Variants in DAAM2 observed in about 807,000 individuals in gnomAD.
The protein encoded by DAAM2 is disheveled-associated activator of morphogenesis 2.
In DAAM2, 39 loss-of-function variants were observed where a neutral mutation model predicts 120.7. The observed-to-expected ratio is 0.32, with a 90% CI of 0.25 to 0.42. DAAM2 has a LOEUF of 0.42. Among genes scored for constraint, DAAM2 ranks in the 10% least tolerant of loss-of-function variants. The probability of loss-of-function intolerance (pLI) is 1.00; values close to 1 mark genes in which losing one functional copy is unlikely to be tolerated. For synonymous variants in DAAM2, 488 were observed against 524.9 expected (o/e 0.93, Z 0.96); for missense variants, 1,283 against 1,401.7 (o/e 0.92, Z 1.35).
chr6:39,834,429 G>C (rs1485403203), intron 1 of DAAM2, among the ~76,000 whole-genome samples: 2 of 152,250 alleles, frequency 1.3e-5, no homozygotes, highest in East Asian at 3.9e-4. Context: ...AGTGAAAGAG[G>C]CCTTTGATTT....
chr6:39,808,978 A>G (rs1169302460), intron 1 of DAAM2, among the ~76,000 whole-genome samples: 7 of 152,240 alleles, frequency 4.6e-5, no homozygotes, highest in Non-Finnish European at 7.3e-5. Flanking sequence ...TGTCTCTGTC[A>G]GTCAGGCTCC....
At chr6:39,897,385 A>G in intron 21 of DAAM2, 103 bp downstream of exon 21, 1 of 724,278 alleles carries the variant, frequency 1.4e-6, no homozygotes, top group South Asian at 1.7e-5. Flanking sequence ...GGCTGGTGTG[A>G]GACCTCGGTT....
chr6:39,799,785 GAT>G (rs1460542649), intron 1 of DAAM2, among the ~76,000 whole-genome samples: 1 of 152,162 alleles, frequency 6.6e-6, no homozygotes, highest in Admixed American at 6.5e-5. Flanking sequence ...ATCATGCAAA[GAT>G]ATATAAAGAC....
At chr6:39,839,374 T>A (rs1385350107) in intron 1 of DAAM2, among the ~76,000 whole-genome samples, 1 of 152,234 alleles carries the variant, frequency 6.6e-6, no homozygotes. Flanking sequence ...GGAATCTTCA[T>A]CTTTCGTAAA....
chr6:39,851,766 C>T (rs1763814979), intron 1 of DAAM2, among the ~76,000 whole-genome samples: 1 of 152,124 alleles, frequency 6.6e-6, no homozygotes, highest in African/African-American at 2.4e-5. Context: ...ATCGCGCAGG[C>T]AGTATGAAAG....
chr6:39,802,808 C>A (rs770056490), intron 1 of DAAM2, among the ~76,000 whole-genome samples: 23 of 152,160 alleles, frequency 1.5e-4, no homozygotes, highest in Non-Finnish European at 3.1e-4. Context: ...GGATGTAGCT[C>A]AATATATTTC....
intron 5 of DAAM2, 39 bp from the exon 6 acceptor site, chr6:39,867,471 A>C (rs1398568275): frequency 6.3e-7 from 1 of 1,592,148 alleles, no homozygotes; most frequent in African/African-American, 1.3e-5. Flanking sequence ...ACACAGAATC[A>C]TATGCAAATA....
At chr6:39,892,794 G>C (rs1299116587) in intron 19 of DAAM2, among the ~76,000 whole-genome samples, 1 of 152,182 alleles carries the variant, frequency 6.6e-6, no homozygotes, top group Non-Finnish European at 1.5e-5. Flanking sequence ...AGATGCTTCA[G>C]GGATAGTCTA....
chr6:39,809,031 A>G (rs1404581238), intron 1 of DAAM2, among the ~76,000 whole-genome samples: 2 of 152,204 alleles, frequency 1.3e-5, no homozygotes, highest in African/African-American at 4.8e-5. Flanking sequence ...TTGATGGATA[A>G]GAGTTTAATG....
intron 1 of DAAM2, among the ~76,000 whole-genome samples, chr6:39,833,678 C>T (rs1025615353): frequency 4.6e-5 from 7 of 152,112 alleles, no homozygotes; most frequent in African/African-American, 1.7e-4. Flanking sequence ...GTTCCTCCCT[C>T]TATGCACCAT....
intron 2 of DAAM2, 77 bp downstream of exon 2, chr6:39,856,547 G>A (rs145898476): frequency 1.1e-5 from 13 of 1,216,904 alleles, no homozygotes; most frequent in Admixed American, 4.0e-5. Context: ...CAGAGGGCAG[G>A]GCCCCTGTGC....
chr6:39,816,556 G>GT (rs1280840172), intron 1 of DAAM2, among the ~76,000 whole-genome samples: 1 of 152,178 alleles, frequency 6.6e-6, no homozygotes, highest in Non-Finnish European at 1.5e-5. Flanking sequence ...GGTGTGATGG[G>GT]TAGCCACCCC....
Position 39,868,841 on chromosome 6 carries a change from G to C in DAAM2, c.781G>C (p.Asp261His). Reference protein sequence around the residue: ...TRFQTLLNELDRSLGRYRDEV... With the variant: ...TRFQTLLNELHRSLGRYRDEV... The stretch of plus-strand genomic sequence containing the variant: ...CACCTAGACCCTGCTGAACGAGCTA[G>C]ACCGAAGTCTGGGCCGGTACCGGGA... The change falls in exon 7 of 25, where the codon GAC (aspartate) becomes CAC (histidine). Residue 261 changes from aspartate to histidine, a missense_variant. Physicochemically the swap from Asp to His is moderately conservative, Grantham distance 81 (BLOSUM62 -1). This residue lies in a region of DAAM2 where 338 missense variants were observed against 443.9 expected (regional missense o/e 0.76). Transcript: ENST00000274867. 6.3e-7 allele frequency: 1 copy of C among 1,582,292 alleles called. No individual in the cohort carries two copies. The highest frequency in any genetic ancestry group is 8.6e-7 in the Non-Finnish European group (1 of 1,164,152).
intron 1 of DAAM2, among the ~76,000 whole-genome samples, chr6:39,827,665 C>A (rs1762724442): frequency 6.6e-6 from 1 of 152,080 alleles, no homozygotes; most frequent in African/African-American, 2.4e-5. Flanking sequence ...GGTCCTCATG[C>A]CTGGATTACT....
At chr6:39,801,856 C>G (rs565758131) in intron 1 of DAAM2, among the ~76,000 whole-genome samples, 1 of 152,280 alleles carries the variant, frequency 6.6e-6, no homozygotes, top group South Asian at 2.1e-4. Context: ...ACACCAAAGC[C>G]CCCTGCCTCC....
At chr6:39,892,686 G>A (rs973249408) in intron 19 of DAAM2, among the ~76,000 whole-genome samples, 1 of 152,108 alleles carries the variant, frequency 6.6e-6, no homozygotes, top group Non-Finnish European at 1.5e-5. Flanking sequence ...CCAGGCTGGG[G>A]GCAGAACAGA....
In DAAM2 at chr6:39,900,228, C is replaced by A. The variant is rs1444532316; in HGVS notation, c.2811+20C>A. The A allele has an allele frequency of 8.1e-6, 13 of 1,606,366 alleles. No homozygotes were observed. The highest frequency in any genetic ancestry group is 2.3e-5 in the East Asian group (1 of 44,354). ...GACAAGGTAAGGGTGCCCCAACCCC[C>A]ACTGCTTGCCAACCCAGCCTTATCT... On this transcript the variant is annotated intron_variant, in intron 23 of 24. Coordinates refer to ENST00000274867, the MANE Select transcript of DAAM2 (RefSeq NM_001201427.2).
At chr6:39,852,033 G>C (rs141512110) in intron 1 of DAAM2, among the ~76,000 whole-genome samples, 1 of 152,208 alleles carries the variant, frequency 6.6e-6, no homozygotes, top group Non-Finnish European at 1.5e-5. Flanking sequence ...GTTGGTCTGT[G>C]CTTGGGGACT....
At chr6:39,809,531 A>G (rs1028054006) in intron 1 of DAAM2, among the ~76,000 whole-genome samples, 3 of 152,196 alleles carry the variant, frequency 2.0e-5, no homozygotes, top group African/African-American at 7.2e-5. Context: ...TTGATGGAAC[A>G]CTAAGTTCTC....
Sources: gnomAD v4.1 joint callset for allele counts (sites outside exome capture counted in the v4.1 genomes callset) on GRCh38, gnomAD v4.1.1 for gene constraint, gnomAD v4.1.1 regional missense constraint, MANE v1.5 for transcripts, NCBI Gene and HGNC (gene_info 2026-07-23, HGNC 2026-07-21) for gene names.